ZSCAN5B: variants seen among roughly 807,000 people sequenced by gnomAD.
The protein encoded by ZSCAN5B is zinc finger and SCAN domain containing 5B, also known as zinc finger and SCAN domain-containing protein 5B.
ZSCAN5B carries 26 observed loss-of-function variants against 25.2 expected under a neutral mutation model. The ratio of observed to expected loss-of-function variants is 1.03; its 90% CI spans 0.76 to 1.43. The LOEUF is 1.43. ZSCAN5B is among the 40% of genes most tolerant of loss of function. The pLI, the probability that ZSCAN5B is intolerant of heterozygous loss-of-function variation, is 0.00. For synonymous variants in ZSCAN5B, 244 were observed against 240.9 expected, an observed-to-expected ratio of 1.01 and a Z score of -0.12; for missense variants, 745 against 622.1, an observed-to-expected ratio of 1.20 and a Z score of -2.10.
exon 2 of ZSCAN5B, chr19:56,192,972 C>T (rs139794340): frequency 3.8e-5 from 61 of 1,608,492 alleles, no homozygotes; most frequent in Middle Eastern, 1.6e-4. Flanking sequence ...TTTCTGGGGA[C>T]GCCACAGACC....
chr19:56,190,076 A>C lies in ZSCAN5B; in HGVS notation c.1239T>G (p.Cys413Trp), dbSNP rs373044394. 1.9e-6 allele frequency: 3 copies of C among 1,613,890 alleles called. No individual in the cohort carries two copies. The highest frequency in any genetic ancestry group is 2.5e-6 in the Non-Finnish European group (3 of 1,179,938). ...GGGCGAACCGCTTTTGGCAGACGTC[A>C]CACATGTAGGGCCTCTCGCCAGTGT... The change falls in exon 5 of 5, where the codon TGT becomes TGG. Residue 413 changes from cysteine to tryptophan, a missense_variant. Physicochemically the swap from Cys to Trp is radical, Grantham distance 215. Transcript: ENST00000586855.
Position 56,189,964 on chromosome 19 carries a change from T to C in ZSCAN5B, c.1351A>G (p.Lys451Glu), listed in dbSNP as rs1463498704. 3.1e-6 allele frequency: 5 copies of C among 1,613,980 alleles called. No homozygotes were observed. The South Asian group carries it at 5.5e-5, about 18-fold the overall frequency. ...CGCTGGTGAACGTTCAGGTTCCCCT[T>C]GTGGCTGAAAACTTTGCTGCAGTAT... Residue 451 changes from lysine (K) to glutamate (E), a missense_variant, in exon 5 of 5, where the codon AAG becomes GAG. Physicochemically the swap from Lys to Glu is moderately conservative, Grantham distance 56. Coordinates refer to ENST00000586855, the Ensembl canonical transcript of ZSCAN5B.
In ZSCAN5B at chr19:56,191,028, A is replaced by G. The variant is rs752325114; in HGVS notation, c.589-41T>C. 6.8e-6 allele frequency: 11 copies of G among 1,613,202 alleles called. No homozygotes were observed. The South Asian group carries it at 1.1e-4, about 16-fold the overall frequency. ...CAAGAGCAATGACTGCCGTGTCTAT[A>G]CTGGTGGAAGTAGGGACATGTCTGT... On this transcript the variant is annotated intron_variant, in intron 3 of 4. Transcript: ENST00000586855.
intron 2 of ZSCAN5B, 62 bp from the exon 3 acceptor site, chr19:56,192,115 T>C (rs936046191): frequency 2.8e-6 from 4 of 1,446,158 alleles, no homozygotes; most frequent in Non-Finnish European, 9.4e-7. Flanking sequence ...TCATATTTCC[T>C]GGGTCCTGCC....
chr19:56,192,155 T>G, intron 2 of ZSCAN5B, 102 bp from the exon 3 acceptor site: 1 of 1,115,982 alleles, frequency 9.0e-7, no homozygotes, highest in Non-Finnish European at 1.3e-6. Context: ...GTAATTAATG[T>G]TCAAATCTAC....
chr19:56,194,266 C>T (rs951586029), intron 1 of ZSCAN5B, among the ~76,000 whole-genome samples: 1 of 151,576 alleles, frequency 6.6e-6, no homozygotes, highest in Non-Finnish European at 1.5e-5. Context: ...TATGAAATTT[C>T]CAGGTAGTGG....
At chr19:56,197,695 A>C in intron 1 of ZSCAN5B, 39 bp downstream of exon 1, 5 of 976,406 alleles carry the variant, frequency 5.1e-6, no homozygotes, top group Non-Finnish European at 6.1e-6. Flanking sequence ...CCCGCATGCC[A>C]GCTCCGAAAC....
At position 56,190,819 on chromosome 19, in the gene ZSCAN5B, C is replaced by A; in HGVS notation, c.739+18G>T. The A allele has an allele frequency of 1.2e-6, 2 of 1,611,754 alleles. No homozygotes were observed. Among genetic ancestry groups the A allele is most frequent in the Non-Finnish European group, 1.7e-6 (2 of 1,179,168 alleles). On this transcript the variant is annotated intron_variant, in intron 4 of 4. Coordinates refer to ENST00000586855, the Ensembl canonical transcript of ZSCAN5B. ...AAGAGAGGGACTAACCCCTGTGGAT[C>A]CAAGTCTTCATACTCACTGGGACTC...
Position 56,193,166 on chromosome 19 carries a change from G to T in ZSCAN5B, c.-114C>A. ...GTTTCTTCTCAGTAATATATTCACA[G>T]TTTGTTCAGAAGTCTGCAGGAAAAA... On this transcript the variant is annotated 5_prime_UTR_variant, in exon 2 of 5. In the 5' UTR this introduces an upstream ATG that the reference lacks. Transcript: ENST00000586855. The T allele has an allele frequency of 7.9e-7, 1 of 1,270,424 alleles. No individual in the cohort carries two copies. The highest frequency in any genetic ancestry group is 1.1e-6 in the Non-Finnish European group (1 of 950,698). 78.7% of individuals were successfully genotyped at this position (1,270,424 alleles called of 1,614,324 possible). A position where few individuals can be genotyped will look rare whatever the true frequency, so the allele number is the denominator to read the frequency against.
chr19:56,191,243 C>A (rs2032728566), intron 3 of ZSCAN5B, among the ~76,000 whole-genome samples: 1 of 152,136 alleles, frequency 6.6e-6, no homozygotes, highest in Admixed American at 6.6e-5. Flanking sequence ...TCTCCCTGCC[C>A]CTGACGCTGG....
rs370255759 is a variant in ZSCAN5B at position 56,190,463 on chromosome 19, G to A, written c.852C>T (p.Ser284=). Reference sequence around the variant, plus strand: ...GATTCAGAGCATCTCCTCTGTTCCCGCTGTGAGTCAAAGCTTCTCTCTCCA... The same window carrying A: ...GATTCAGAGCATCTCCTCTGTTCCCACTGTGAGTCAAAGCTTCTCTCTCCA... Residue 284 remains serine (S), a synonymous_variant, in exon 5 of 5, where the codon AGC becomes AGT. Transcript: ENST00000586855. 38 of 1,613,930 alleles carry A rather than the reference G, an allele frequency of 2.4e-5. No individual in the cohort carries two copies. The African/African-American group carries it at 3.5e-4, about 15-fold the overall frequency.
At chr19:56,190,935 G>C in exon 4 of ZSCAN5B, 3 of 1,614,150 alleles carry the variant, frequency 1.9e-6, no homozygotes, top group South Asian at 2.2e-5. Flanking sequence ...GGGTCTCGGA[G>C]AGTTTGGGTC....
chr19:56,197,197 G>A (rs1262760583), intron 1 of ZSCAN5B, among the ~76,000 whole-genome samples: 1 of 151,220 alleles, frequency 6.6e-6, no homozygotes, highest in Non-Finnish European at 1.5e-5. Context: ...TTTTGAGACG[G>A]AGTTTTGCTT....
intron 3 of ZSCAN5B, 105 bp from the exon 4 acceptor site, chr19:56,191,092 C>T (rs2032726274): frequency 2.0e-6 from 3 of 1,467,916 alleles, no homozygotes; most frequent in Non-Finnish European, 2.8e-6. Flanking sequence ...CCATGGACCA[C>T]CCCATCACCC....
intron 4 of ZSCAN5B, 51 bp downstream of exon 4, chr19:56,190,786 C>T (rs1366976081): frequency 1.9e-6 from 3 of 1,582,452 alleles, no homozygotes; most frequent in Non-Finnish European, 2.6e-6. Context: ...CCCAGCCCCG[C>T]ACCCCAGAAG....
chr19:56,193,823 A>T (rs924753698), intron 1 of ZSCAN5B, among the ~76,000 whole-genome samples: 1 of 152,056 alleles, frequency 6.6e-6, no homozygotes. Flanking sequence ...TTAGCTGGGC[A>T]TGGTGGCGGG....
At chr19:56,191,508 G>A (rs1244766637) in intron 3 of ZSCAN5B, among the ~76,000 whole-genome samples, 1 of 152,176 alleles carries the variant, frequency 6.6e-6, no homozygotes, top group Non-Finnish European at 1.5e-5. Context: ...GAGAAAGTGG[G>A]TTCCTTGCTG....
chr19:56,196,799 T>A (rs2032815942), intron 1 of ZSCAN5B, among the ~76,000 whole-genome samples: 6 of 152,216 alleles, frequency 3.9e-5, no homozygotes, highest in South Asian at 2.1e-4. Flanking sequence ...ATACATTTTT[T>A]AAAAGCATAC....
At chr19:56,197,447 A>G (rs1197085987) in intron 1 of ZSCAN5B, among the ~76,000 whole-genome samples, 2 of 152,152 alleles carry the variant, frequency 1.3e-5, no homozygotes, top group Admixed American at 1.3e-4. Context: ...CATGTTGGTC[A>G]GACTGGTCTT....
Sources: gnomAD v4.1 joint callset for allele counts (sites outside exome capture counted in the v4.1 genomes callset) on GRCh38, gnomAD v4.1.1 for gene constraint, MANE v1.5 for transcripts, NCBI Gene and HGNC (gene_info 2026-07-23, HGNC 2026-07-21) for gene names.